Variants in DLG2 observed in about 807,000 individuals in gnomAD.
DLG2 encodes the protein disks large homolog 2.
DLG2 carries 45 observed loss-of-function variants against 132.5 expected under a neutral mutation model. That is an observed-to-expected ratio of 0.34 (90% CI 0.27 to 0.44). DLG2 has a LOEUF of 0.44. DLG2 is among the 20% of genes least tolerant of loss of function. The pLI, the probability that DLG2 is intolerant of heterozygous loss-of-function variation, is 1.00. For synonymous variants in DLG2, 424 were observed against 419.6 expected (o/e 1.01, Z -0.13); for missense variants, 1,045 against 1,196.9 (o/e 0.87, Z 1.87).
chr11:84,724,663 A>G (rs1298569999), intron 6 of DLG2, among the ~76,000 whole-genome samples: 1 of 152,228 alleles, frequency 6.6e-6, no homozygotes, highest in Non-Finnish European at 1.5e-5. Context: ...TACCAAAAAA[A>G]GGAAAGCAAA....
chr11:83,979,725 T>C (rs114729003), intron 12 of DLG2, among the ~76,000 whole-genome samples: 2,850 of 152,184 alleles, frequency 0.019, 86 homozygotes, highest in South Asian at 0.07. Context: ...AGAACTCAGA[T>C]TATAAATTCT....
At chr11:84,025,945 A>G (rs911056548) in intron 11 of DLG2, among the ~76,000 whole-genome samples, 1 of 152,150 alleles carries the variant, frequency 6.6e-6, no homozygotes, top group East Asian at 1.9e-4. Flanking sequence ...TCAGACAGGA[A>G]AGAAAACAAA....
In DLG2 at chr11:83,964,944, T is replaced by G. The variant is rs141774003; in HGVS notation, c.1201+380A>C. ...ATCATAGAGCTACCTCTGGTCTATT[T>G]GCCAGTCTCTTTTCTAATCTACTAC... is the stretch of plus-strand genomic sequence containing the variant. On this transcript the variant is annotated intron_variant, in intron 13 of 27. Transcript: ENST00000376104. 4.9e-3 allele frequency among the ~76,000 whole-genome samples: 749 copies of G among 152,138 alleles called. 8 individuals are homozygous for G. The highest frequency in any genetic ancestry group is 0.033 in the South Asian group (159 of 4,830).
intron 7 of DLG2, among the ~76,000 whole-genome samples, chr11:84,305,576 G>A (rs1406553077): frequency 1.3e-5 from 2 of 152,140 alleles, no homozygotes; most frequent in Non-Finnish European, 2.9e-5. Flanking sequence ...GGGCATGCCA[G>A]TAAGAGAGTC....
chr11:84,714,008 T>A (rs180684633), intron 6 of DLG2, among the ~76,000 whole-genome samples: 3 of 152,018 alleles, frequency 2.0e-5, no homozygotes, highest in African/African-American at 4.8e-5. Context: ...TTAAAATAAG[T>A]CATGTATAAA....
intron 15 of DLG2, 27 bp from the exon 16 acceptor site, chr11:83,874,515 C>T: frequency 1.9e-6 from 3 of 1,540,864 alleles, no homozygotes; most frequent in South Asian, 2.6e-5. Context: ...AAGAAACACA[C>T]ATCATTTATT....
chr11:84,702,477 G>C (rs560801622), intron 6 of DLG2, among the ~76,000 whole-genome samples: 80 of 151,726 alleles, frequency 5.3e-4, no homozygotes, highest in African/African-American at 1.9e-3. Context: ...CATTCTTTCA[G>C]ACCTCTGGAC....
At chr11:84,389,659 CTTT>C (rs1358390755) in intron 7 of DLG2, among the ~76,000 whole-genome samples, 1 of 152,058 alleles carries the variant, frequency 6.6e-6, no homozygotes, top group South Asian at 2.1e-4. Flanking sequence ...TAATTTCACA[CTTT>C]TTTATTTAAA....
chr11:85,341,364 C>A (rs1176066213), intron 3 of DLG2, among the ~76,000 whole-genome samples: 2 of 152,198 alleles, frequency 1.3e-5, no homozygotes, highest in African/African-American at 4.8e-5. Flanking sequence ...TCGTGATCTG[C>A]CCGCCTGGGC....
At chr11:83,528,019 A>G (rs1258192244) in intron 21 of DLG2, among the ~76,000 whole-genome samples, 2 of 152,176 alleles carry the variant, frequency 1.3e-5, no homozygotes, top group Non-Finnish European at 2.9e-5. Context: ...TGGTTTGACT[A>G]GAGACTCATT....
intron 6 of DLG2, among the ~76,000 whole-genome samples, chr11:84,875,500 GAA>G (rs760545544): frequency 1.5e-5 from 2 of 137,928 alleles, no homozygotes; most frequent in Non-Finnish European, 1.6e-5. Context: ...TTTCCTGGTG[GAA>G]AAAAAAAAAA....
chr11:84,362,680 C>A (rs1396381768), intron 7 of DLG2, among the ~76,000 whole-genome samples: 1 of 151,936 alleles, frequency 6.6e-6, no homozygotes, highest in African/African-American at 2.4e-5. Flanking sequence ...TCACAACAGT[C>A]CCCAGAGTGT....
At chr11:85,377,273 A>G (rs1431766464) in intron 3 of DLG2, among the ~76,000 whole-genome samples, 3 of 152,192 alleles carry the variant, frequency 2.0e-5, no homozygotes, top group African/African-American at 7.2e-5. Context: ...ACAGCTTAGC[A>G]AGGCATCTAA....
intron 17 of DLG2, among the ~76,000 whole-genome samples, chr11:83,811,547 A>G (rs573774989): frequency 1.4e-4 from 22 of 152,194 alleles, no homozygotes; most frequent in African/African-American, 5.3e-4. Context: ...TTCCTCACTA[A>G]AAAGTATGTT....
intron 3 of DLG2, among the ~76,000 whole-genome samples, chr11:85,286,879 G>A (rs2078590885): frequency 6.6e-6 from 1 of 152,072 alleles, no homozygotes; most frequent in African/African-American, 2.4e-5. Context: ...TATAGCCCCA[G>A]CAAATAAAGA....
chr11:83,777,466 C>T (rs538446719), intron 18 of DLG2, among the ~76,000 whole-genome samples: 1 of 152,312 alleles, frequency 6.6e-6, no homozygotes, highest in East Asian at 1.9e-4. Flanking sequence ...CAGCTTTCTG[C>T]ATCTTTAATG....
intron 5 of DLG2, among the ~76,000 whole-genome samples, chr11:85,134,287 T>A (rs2075979443): frequency 6.6e-6 from 1 of 150,964 alleles, no homozygotes; most frequent in Non-Finnish European, 1.5e-5. Context: ...TATACTTTCT[T>A]GGGAGGCCGA....
chr11:83,522,431 A>T (rs2140528040), intron 21 of DLG2, among the ~76,000 whole-genome samples: 1 of 152,152 alleles, frequency 6.6e-6, no homozygotes, highest in African/African-American at 2.4e-5. Context: ...GAAACTCAAA[A>T]CCTATTTATT....
At chr11:84,427,629 CTT>C (rs2098971256) in intron 7 of DLG2, among the ~76,000 whole-genome samples, 2 of 152,306 alleles carry the variant, frequency 1.3e-5, no homozygotes, top group South Asian at 4.1e-4. Flanking sequence ...AAGAAAAAGA[CTT>C]ATTTTTCTCA....
Sources: allele counts gnomAD v4.1 joint callset (sites outside exome capture counted in the v4.1 genomes callset), GRCh38; gene constraint gnomAD v4.1.1; transcripts MANE v1.5; gene names NCBI Gene and HGNC (gene_info 2026-07-23, HGNC 2026-07-21).